IL1RAPL1: variants seen among roughly 807,000 people sequenced by gnomAD.
The protein encoded by IL1RAPL1 is interleukin-1 receptor accessory protein-like 1.
IL1RAPL1 carries 3 observed loss-of-function variants against 48.4 expected under a neutral mutation model. That is an observed-to-expected ratio of 0.06 (90% CI 0.03 to 0.16). IL1RAPL1 has a LOEUF of 0.16. Ranked by LOEUF, IL1RAPL1 falls within the 10% of genes least tolerant of loss-of-function variation. The pLI is 1.00. For missense variants in IL1RAPL1, 349 were observed against 530.6 expected (o/e 0.66, Z 3.36); for synonymous variants, 185 against 187.7 (o/e 0.99, Z 0.12).
intron 1 of IL1RAPL1, among the ~76,000 whole-genome samples, chrX:28,735,983 T>A (rs1298993399): frequency 9.0e-6 from 1 of 111,521 alleles, no homozygotes; most frequent in Non-Finnish European, 1.9e-5. Context: ...AAATACTACC[T>A]ATTGATTATT....
At chrX:29,018,699 A>G (rs1330075604) in intron 2 of IL1RAPL1, among the ~76,000 whole-genome samples, 3 of 111,935 alleles carry the variant, frequency 2.7e-5, no homozygotes, top group East Asian at 5.7e-4. Context: ...ATGTCACAGC[A>G]TATATTAGGA....
At chrX:29,709,704 T>A (rs920310471) in intron 6 of IL1RAPL1, among the ~76,000 whole-genome samples, 3 of 111,579 alleles carry the variant, frequency 2.7e-5, no homozygotes, top group Non-Finnish European at 3.8e-5. Context: ...CTGTGAAAAA[T>A]AACATTGGAA....
chrX:29,610,680 A>G (rs925873436), intron 5 of IL1RAPL1, among the ~76,000 whole-genome samples: 1 of 112,548 alleles, frequency 8.9e-6, no homozygotes, highest in Non-Finnish European at 1.9e-5. Flanking sequence ...AACTCCTTGC[A>G]GGTCTTGTGA....
chrX:29,640,138 G>A (rs1291129109), intron 5 of IL1RAPL1, among the ~76,000 whole-genome samples: 2 of 112,003 alleles, frequency 1.8e-5, no homozygotes, highest in East Asian at 2.8e-4. Flanking sequence ...GCATTTCCAC[G>A]GCTGTCAGAA....
intron 5 of IL1RAPL1, among the ~76,000 whole-genome samples, chrX:29,459,620 G>A (rs1934779816): frequency 9.0e-6 from 1 of 111,603 alleles, no homozygotes; most frequent in Admixed American, 9.5e-5. Context: ...GAGGTAAACT[G>A]TAACATTCTA....
intron 2 of IL1RAPL1, among the ~76,000 whole-genome samples, chrX:28,825,763 A>G (rs1201289756): frequency 9.0e-6 from 1 of 111,389 alleles, no homozygotes; most frequent in Non-Finnish European, 1.9e-5. Flanking sequence ...TAAGCAGTGA[A>G]TAGTAATTGA....
intron 1 of IL1RAPL1, among the ~76,000 whole-genome samples, chrX:28,736,742 A>G (rs1935831052): frequency 8.9e-6 from 1 of 112,126 alleles, no homozygotes; most frequent in Non-Finnish European, 1.9e-5. Context: ...AGTAGGCAAA[A>G]TAAGCTTGAT....
intron 1 of IL1RAPL1, among the ~76,000 whole-genome samples, chrX:28,681,997 C>G (rs1166398544): frequency 1.8e-5 from 2 of 111,774 alleles, no homozygotes; most frequent in Non-Finnish European, 1.9e-5. Context: ...CTTTCCGTCT[C>G]TATGGTTTTA....
At chrX:28,944,818 T>C (rs1240911375) in intron 2 of IL1RAPL1, among the ~76,000 whole-genome samples, 1 of 109,801 alleles carries the variant, frequency 9.1e-6, no homozygotes, top group African/African-American at 3.3e-5. Flanking sequence ...AATTTGACTA[T>C]GGTTTTCCAT....
chrX:29,420,287 G>A (rs900065762), intron 5 of IL1RAPL1, among the ~76,000 whole-genome samples: 8 of 112,450 alleles, frequency 7.1e-5, no homozygotes, highest in African/African-American at 2.3e-4. Context: ...CCAATGCAAA[G>A]TCATTTGAAT....
chrX:29,213,147 C>T (rs1366607740), intron 2 of IL1RAPL1, among the ~76,000 whole-genome samples: 2 of 111,367 alleles, frequency 1.8e-5, no homozygotes, highest in East Asian at 5.6e-4. Context: ...TACAGGCATC[C>T]ACCACCACGC....
intron 5 of IL1RAPL1, among the ~76,000 whole-genome samples, chrX:29,617,339 A>G (rs1202853132): frequency 8.9e-6 from 1 of 111,782 alleles, no homozygotes; most frequent in Non-Finnish European, 1.9e-5. Flanking sequence ...TGTTGTTGCT[A>G]GAGATACAAA....
intron 1 of IL1RAPL1, among the ~76,000 whole-genome samples, chrX:28,625,144 G>A (rs768997134): frequency 1.3e-4 from 15 of 111,818 alleles, no homozygotes; most frequent in Admixed American, 1.3e-3. Context: ...CTCAATTGCA[G>A]CACTGTAACT....
At chrX:28,626,079 C>T (rs1934338638) in intron 1 of IL1RAPL1, among the ~76,000 whole-genome samples, 1 of 111,753 alleles carries the variant, frequency 8.9e-6, no homozygotes, top group African/African-American at 3.3e-5. Flanking sequence ...AGTTGGGAGA[C>T]TCACTGTCCT....
chrX:28,893,875 T>G (rs989747867), intron 2 of IL1RAPL1, among the ~76,000 whole-genome samples: 2 of 111,160 alleles, frequency 1.8e-5, no homozygotes, highest in Non-Finnish European at 3.8e-5. Flanking sequence ...GGGAAGAGAT[T>G]GATAGGTGGA....
intron 6 of IL1RAPL1, among the ~76,000 whole-genome samples, chrX:29,741,112 A>G (rs1213225173): frequency 8.9e-6 from 1 of 112,535 alleles, no homozygotes; most frequent in Non-Finnish European, 1.9e-5. Context: ...TTGCCATTAT[A>G]TCAGTTTTGC....
chrX:29,171,534 A>G (rs987879328), intron 2 of IL1RAPL1, among the ~76,000 whole-genome samples: 2 of 111,919 alleles, frequency 1.8e-5, no homozygotes, highest in Admixed American at 1.9e-4. Flanking sequence ...TATTAATTCT[A>G]TTGTCTCTAT....
In IL1RAPL1 at chrX:29,483,492, T is replaced by C. The variant is rs191724992; in HGVS notation, c.703+84184T>C. On this transcript the variant is annotated intron_variant, in intron 5 of 10. Transcript: ENST00000378993. ...TGCTATTTTCTAGGCGGTTTGTTTC[T>C]TTGCATTACAGTAGTATATTCGGCA... is the stretch of plus-strand genomic sequence containing the variant. Among the ~76,000 whole-genome samples, 91 of 111,673 alleles carry C rather than the reference T, an allele frequency of 8.1e-4. No homozygotes were observed. The Middle Eastern group carries it at 0.018, about 23-fold the overall frequency.
chrX:28,862,403 C>T (rs1464524434), intron 2 of IL1RAPL1, among the ~76,000 whole-genome samples: 1 of 112,024 alleles, frequency 8.9e-6, no homozygotes, highest in African/African-American at 3.2e-5. Flanking sequence ...TAACAAACAT[C>T]ATGAGAGTCC....
Sources: gnomAD v4.1 joint callset for allele counts (sites outside exome capture counted in the v4.1 genomes callset) on GRCh38, gnomAD v4.1.1 for gene constraint, MANE v1.5 for transcripts, NCBI Gene and HGNC (gene_info 2026-07-23, HGNC 2026-07-21) for gene names.